SCN10A: variants seen among roughly 807,000 people sequenced by gnomAD.
SCN10A encodes sodium channel protein type 10 subunit alpha.
SCN10A carries 162 observed loss-of-function variants against 170.7 expected under a neutral mutation model. That is an observed-to-expected ratio of 0.95 (90% CI 0.84 to 1.08). The LOEUF (loss-of-function observed/expected upper bound fraction) is 1.08, where lower values mean the gene tolerates loss of function less well. SCN10A is among the 50% of genes least tolerant of loss of function. The pLI is 0.00. For missense variants in SCN10A, 2,527 were observed against 2,436.9 expected (o/e 1.04, Z -0.78); for synonymous variants, 985 against 904.6 (o/e 1.09, Z -1.59).
chr3:38,755,628 C>T (rs1281236896), intron 11 of SCN10A, among the ~76,000 whole-genome samples, 160 bp downstream of exon 11: 1 of 152,180 alleles, frequency 6.6e-6, no homozygotes, highest in Non-Finnish European at 1.5e-5. Context: ...TATAATTACA[C>T]TTTCCTAGTT....
Position 38,752,228 on chromosome 3 carries a change from G to C in SCN10A, c.1746C>G (p.Val582=). Residue 582 remains valine (V), a synonymous_variant, in exon 12 of 28, where the codon GTC becomes GTG. Transcript: ENST00000449082. The part of the protein sequence containing the change: ...PPTSELAPGA[V]DVSAFDAGQK... ...GCATTCACAAACTCACCGAGACATC[G>C]ACAGCTCCAGGGGCAAGCTCACTAG... 1.3e-6 allele frequency: 2 copies of C among 1,516,320 alleles called. No homozygotes were observed. Among genetic ancestry groups the C allele is most frequent in the South Asian group, 2.6e-5 (2 of 75,916 alleles). The allele number at this position is 1,516,320 out of a possible 1,614,324, so 93.9% of individuals were successfully genotyped here. A position where few individuals can be genotyped will look rare whatever the true frequency, so the allele number is the denominator to read the frequency against.
chr3:38,721,638 A>C lies in SCN10A; in HGVS notation c.3507+620T>G, dbSNP rs1292794558. Among the ~76,000 whole-genome samples the C allele has an allele frequency of 2.6e-5, 4 of 152,234 alleles. No individual in the cohort carries two copies. In the East Asian group the frequency reaches 7.7e-4, roughly 29 times the overall value. Reference sequence around the variant, plus strand: ...ATTCAAAGTGTGGGTCACTGAGGGCAGTGCAAGCATCACCTGGGAGCTTGT... The same window carrying C: ...ATTCAAAGTGTGGGTCACTGAGGGCCGTGCAAGCATCACCTGGGAGCTTGT... On this transcript the variant is annotated intron_variant, in intron 20 of 27. Coordinates refer to ENST00000449082, the MANE Select transcript of SCN10A (RefSeq NM_006514.4).
intron 1 of SCN10A, among the ~76,000 whole-genome samples, chr3:38,795,903 A>G (rs2064338815): frequency 1.3e-5 from 2 of 152,168 alleles, no homozygotes; most frequent in Non-Finnish European, 2.9e-5. Flanking sequence ...CCAGAGCAGC[A>G]AAGTTAAAAT....
At chr3:38,815,325 CTTG>C (rs1489487634) in intron 1 of SCN10A, among the ~76,000 whole-genome samples, 1 of 152,148 alleles carries the variant, frequency 6.6e-6, no homozygotes, top group Non-Finnish European at 1.5e-5. Context: ...GTTTCTCAAC[CTTG>C]TTGTCCATCT....
Position 38,707,291 on chromosome 3 carries a change from G to A in SCN10A, c.4374C>T (p.Ile1458=), listed in dbSNP as rs1158599232. 6.2e-7 allele frequency: 1 copy of A among 1,613,892 alleles called. No homozygotes were observed. Among genetic ancestry groups the A allele is most frequent in the Non-Finnish European group, 8.5e-7 (1 of 1,180,002 alleles). The part of the protein sequence containing the change: ...KLGSKKPQKP[I]PRPLNKFQGF... Reference sequence around the variant, plus strand: ...CTCTGGGGCTCACCAGGGGCCGTGGGATGGGCTTCTGGGGCTTCTTGGAGC... The same window carrying A: ...CTCTGGGGCTCACCAGGGGCCGTGGAATGGGCTTCTGGGGCTTCTTGGAGC... The change falls in exon 26 of 28, where the codon ATC becomes ATT. Residue 1458 remains isoleucine, a synonymous_variant. Transcript: ENST00000449082.
At position 38,757,123 on chromosome 3, in the gene SCN10A, A is replaced by C. The variant is rs1448895902; in HGVS notation, c.987T>G (p.Ser329=). 1 of 1,612,696 alleles carries C rather than the reference A, an allele frequency of 6.2e-7. No homozygotes were observed. Among genetic ancestry groups the C allele is most frequent in the Non-Finnish European group, 8.5e-7 (1 of 1,179,324 alleles). ...CPDGYICLKT[S]DNPDFNYTSF... ...TGGTGTAGTTAAAATCCGGGTTGTC[A>C]GAAGTTTTAAGGCAGATATAACCAT... Residue 329 remains serine (S), a synonymous_variant, in exon 9 of 28, where the codon TCT becomes TCG. Transcript: ENST00000449082.
chr3:38,730,097 T>C (rs529562840), intron 15 of SCN10A, among the ~76,000 whole-genome samples: 14 of 152,260 alleles, frequency 9.2e-5, no homozygotes, highest in Non-Finnish European at 1.8e-4. Flanking sequence ...GGAAACGTAG[T>C]CCATGGCCTG....
intron 8 of SCN10A, among the ~76,000 whole-genome samples, chr3:38,758,227 T>C (rs2063831094): frequency 6.6e-6 from 1 of 152,168 alleles, no homozygotes; most frequent in Non-Finnish European, 1.5e-5. Flanking sequence ...CGATTGAAGA[T>C]TGCAAGTTCC....
intron 27 of SCN10A, among the ~76,000 whole-genome samples, chr3:38,699,941 C>G (rs1328786632): frequency 6.6e-6 from 1 of 152,132 alleles, no homozygotes; most frequent in Admixed American, 6.5e-5. Flanking sequence ...CCTGCCCCAG[C>G]GGATGGTGCT....
At position 38,793,927 on chromosome 3, in the gene SCN10A, A is replaced by G. The variant is rs1437978541; in HGVS notation, c.84T>C (p.Ile28=). ...CTTTCTTTGTTCCCTGCTTGGCAGC[A>G]ATTTGCTTCTCTATCTCCACCAGTG... ...PESLVEIEKQ[I]AAKQGTKKAR... is the part of the protein sequence containing the mutation. Residue 28 remains isoleucine, a synonymous_variant, in exon 2 of 28, where the codon ATT becomes ATC. Coordinates refer to ENST00000449082, the MANE Select transcript of SCN10A (RefSeq NM_006514.4). 6 of 1,613,930 alleles carry G rather than the reference A, an allele frequency of 3.7e-6. No individual in the cohort carries two copies. The highest frequency in any genetic ancestry group is 5.1e-6 in the Non-Finnish European group (6 of 1,179,970).
intron 14 of SCN10A, among the ~76,000 whole-genome samples, chr3:38,741,822 C>T (rs1016851974): frequency 2.6e-5 from 4 of 152,210 alleles, no homozygotes; most frequent in African/African-American, 9.7e-5. Flanking sequence ...CCCTCCCCAA[C>T]TCTTTTTCTC....
At position 38,793,606 on chromosome 3, in the gene SCN10A, A is replaced by T. The variant is rs72869618; in HGVS notation, c.270+135T>A. ...AAATAAGTTAGAGATATATATATAT[A>T]TTTTTTTTGGTTGTTAACGGAATCT... is the stretch of plus-strand genomic sequence containing the variant. On this transcript the variant is annotated intron_variant, in intron 2 of 27. Transcript: ENST00000449082. 23,410 of 710,844 alleles carry T rather than the reference A, an allele frequency of 0.033. 393 individuals carry two copies. Among genetic ancestry groups the T allele is most frequent in the Middle Eastern group, 0.065 (154 of 2,380 alleles). 44.0% of individuals were successfully genotyped at this position (710,844 alleles called of 1,614,324 possible). A position where few individuals can be genotyped will look rare whatever the true frequency, so the allele number is the denominator to read the frequency against.
chr3:38,803,893 T>G (rs961860273), intron 1 of SCN10A, among the ~76,000 whole-genome samples: 4 of 152,166 alleles, frequency 2.6e-5, no homozygotes, highest in Non-Finnish European at 5.9e-5. Flanking sequence ...TATAGCTGTC[T>G]AATTCTCATC....
At chr3:38,736,670 A>G (rs2063564044) in intron 15 of SCN10A, among the ~76,000 whole-genome samples, 1 of 152,000 alleles carries the variant, frequency 6.6e-6, no homozygotes, top group South Asian at 2.1e-4. Context: ...TCAAGGGCAT[A>G]ATAATATTGG....
intron 5 of SCN10A, among the ~76,000 whole-genome samples, chr3:38,770,611 G>C (rs2063987324): frequency 1.3e-5 from 2 of 152,158 alleles, no homozygotes; most frequent in Admixed American, 1.3e-4. Context: ...GCCCTACTCA[G>C]ACCTTGCCCC....
chr3:38,807,817 A>G (rs976942503), intron 1 of SCN10A, among the ~76,000 whole-genome samples: 2 of 152,088 alleles, frequency 1.3e-5, no homozygotes, highest in Non-Finnish European at 2.9e-5. Context: ...AGTTGCTCAC[A>G]TCATAAACAT....
intron 1 of SCN10A, among the ~76,000 whole-genome samples, chr3:38,803,597 A>C (rs1261174021): frequency 6.1e-5 from 9 of 147,682 alleles, no homozygotes; most frequent in Admixed American, 2.0e-4. Flanking sequence ...GGGAATTGAA[A>C]AATGAGAACA....
At chr3:38,754,859 TA>T (rs891200635) in intron 11 of SCN10A, among the ~76,000 whole-genome samples, 2 of 152,000 alleles carry the variant, frequency 1.3e-5, no homozygotes, top group African/African-American at 4.8e-5. Context: ...GTATAAAGCA[TA>T]AAAAAATAGC....
At chr3:38,779,759 C>A (rs1246057655) in intron 4 of SCN10A, among the ~76,000 whole-genome samples, 2 of 151,732 alleles carry the variant, frequency 1.3e-5, no homozygotes, top group Non-Finnish European at 2.9e-5. Flanking sequence ...TATAGTTTGT[C>A]TTTTGTCCAA....
Sources: gnomAD v4.1 joint callset for allele counts (sites outside exome capture counted in the v4.1 genomes callset) on GRCh38, gnomAD v4.1.1 for gene constraint, MANE v1.5 for transcripts, NCBI Gene and HGNC (gene_info 2026-07-23, HGNC 2026-07-21) for gene names.